The following CDH18 variants were observed in gnomAD, a reference collection of about 807,000 sequenced individuals.
CDH18 encodes the protein cadherin 18.
A neutral mutation model predicts 67.9 loss-of-function variants in CDH18; 31 were observed. That is an observed-to-expected ratio of 0.46 (90% CI 0.34 to 0.62). The LOEUF is 0.62. CDH18 is among the 20% of genes least tolerant of loss of function. CDH18 has a pLI of 0.01. For missense variants in CDH18, 890 were observed against 975.5 expected (o/e 0.91, Z 1.17); for synonymous variants, 362 against 347.2 (o/e 1.04, Z -0.48).
intron 2 of CDH18, among the ~76,000 whole-genome samples, chr5:19,884,220 A>G (rs956280435): frequency 3.9e-5 from 6 of 152,122 alleles, no homozygotes; most frequent in African/African-American, 1.2e-4. Context: ...AAGGTCGCCT[A>G]CTTCAGCTCA....
At chr5:20,406,326 C>T (rs1042894457) in intron 1 of CDH18, among the ~76,000 whole-genome samples, 52 of 151,936 alleles carry the variant, frequency 3.4e-4, no homozygotes, top group African/African-American at 1.1e-3. Context: ...AGCAAACTAT[C>T]GCAAAGACAA....
At chr5:20,131,279 G>A (rs1446080517) in intron 2 of CDH18, among the ~76,000 whole-genome samples, 1 of 152,022 alleles carries the variant, frequency 6.6e-6, no homozygotes, top group East Asian at 1.9e-4. Context: ...TATACTCAAT[G>A]TAAAAATATT....
upstream of CDH18, among the ~76,000 whole-genome samples, chr5:19,992,238 G>T (rs546019293): frequency 5.9e-4 from 89 of 151,930 alleles, no homozygotes; most frequent in African/African-American, 2.0e-3. Flanking sequence ...AGCTTTTCTG[G>T]CTCTCATGTG....
At chr5:20,371,242 A>C (rs998845586) in intron 1 of CDH18, among the ~76,000 whole-genome samples, 1 of 152,150 alleles carries the variant, frequency 6.6e-6, no homozygotes, top group African/African-American at 2.4e-5. Context: ...TTCCTTGAGC[A>C]ACTGTTCAGT....
intron 1 of CDH18, among the ~76,000 whole-genome samples, chr5:20,540,016 T>G (rs1756965643): frequency 6.6e-6 from 1 of 152,170 alleles, no homozygotes; most frequent in Admixed American, 6.6e-5. Flanking sequence ...GCCTAAAAGT[T>G]TTATGTCTAA....
At chr5:20,262,997 G>A (rs1744768648) in intron 1 of CDH18, among the ~76,000 whole-genome samples, 1 of 141,202 alleles carries the variant, frequency 7.1e-6, no homozygotes, top group African/African-American at 2.6e-5. Flanking sequence ...AGGGAGGGAA[G>A]GGGAGGGGAG....
rs114730678 is a variant in CDH18, at chr5:20,457,133, T to C, written c.-580+118329A>G. ...GAAACAATGACATTTGCCTATAAAG[T>C]TGGATCTCAGAGCAAAATAGATCAA... On this transcript the variant is annotated intron_variant, in intron 1 of 14. Coordinates refer to the CDH18 transcript ENST00000507958. Among the ~76,000 whole-genome samples, 490 of 152,282 alleles carry C rather than the reference T, an allele frequency of 3.2e-3. 2 individuals are homozygous for C. Among genetic ancestry groups the C allele is most frequent in the African/African-American group, 0.011 (471 of 41,568 alleles).
chr5:20,009,813 G>A (rs1191151830), intron 2 of CDH18, among the ~76,000 whole-genome samples: 2 of 152,052 alleles, frequency 1.3e-5, no homozygotes, highest in Non-Finnish European at 2.9e-5. Flanking sequence ...AATAATGCCA[G>A]TATTTGCTTC....
At chr5:19,785,160 T>C (rs1320979330) in intron 3 of CDH18, among the ~76,000 whole-genome samples, 1 of 152,150 alleles carries the variant, frequency 6.6e-6, no homozygotes. Flanking sequence ...TAAACCTCTT[T>C]AAATATTTTA....
chr5:20,286,435 A>G (rs915354104), intron 1 of CDH18, among the ~76,000 whole-genome samples: 1 of 151,710 alleles, frequency 6.6e-6, no homozygotes, highest in Non-Finnish European at 1.5e-5. Context: ...CAATGATAGT[A>G]GTAATTTAAA....
At chr5:19,860,340 C>A (rs1242960683) in intron 2 of CDH18, among the ~76,000 whole-genome samples, 2 of 151,378 alleles carry the variant, frequency 1.3e-5, no homozygotes, top group African/African-American at 4.8e-5. Flanking sequence ...TATTTTCATT[C>A]TACATCTCCA....
intron 2 of CDH18, among the ~76,000 whole-genome samples, chr5:19,899,644 C>T (rs1159827527): frequency 6.6e-6 from 1 of 152,122 alleles, no homozygotes; most frequent in Non-Finnish European, 1.5e-5. Context: ...AGTAATAGCA[C>T]TCCTATGCTC....
At chr5:20,356,237 G>A (rs948613389) in intron 1 of CDH18, among the ~76,000 whole-genome samples, 3 of 152,104 alleles carry the variant, frequency 2.0e-5, no homozygotes, top group African/African-American at 7.2e-5. Flanking sequence ...GCAAAAATTA[G>A]CTGGGCATGG....
chr5:19,517,788 T>C (rs899200853), intron 10 of CDH18, among the ~76,000 whole-genome samples: 1 of 152,036 alleles, frequency 6.6e-6, no homozygotes, highest in African/African-American at 2.4e-5. Context: ...ATTGAAAAAC[T>C]TTTATATTAC....
chr5:20,256,673 G>T (rs1744255985), intron 1 of CDH18, among the ~76,000 whole-genome samples: 1 of 151,992 alleles, frequency 6.6e-6, no homozygotes, highest in Non-Finnish European at 1.5e-5. Context: ...ATGCTATAAA[G>T]ACAGAAGAAG....
intron 2 of CDH18, among the ~76,000 whole-genome samples, chr5:19,961,902 T>C (rs1796940889): frequency 6.6e-6 from 1 of 152,092 alleles, no homozygotes; most frequent in Admixed American, 6.6e-5. Flanking sequence ...TTATTTTTTT[T>C]ACTTCTAAGT....
rs1477437853 is a variant in CDH18 at position 20,558,016 on chromosome 5, CATTAAATGTTATAGTTATATAACATTA to C, written c.-580+17419_-580+17445del. Among the ~76,000 whole-genome samples, 506 of 141,380 alleles carry C rather than the reference CATTAAATGTTATAGTTATATAACATTA, an allele frequency of 3.6e-3. 4 individuals carry two copies. Among genetic ancestry groups the C allele is most frequent in the African/African-American group, 0.013 (483 of 36,736 alleles). 92.8% of individuals were successfully genotyped at this position (141,380 alleles called of 152,430 possible). A position where few individuals can be genotyped will look rare whatever the true frequency, so the allele number is the denominator to read the frequency against. ...AACATTAAATGTTATAGTTATATAA[CATTAAATGTTATAGTTATATAACATTA>C]ATTGTTATATAACAATCTGATTGTT... On this transcript the variant is annotated intron_variant, in intron 1 of 14. Transcript: ENST00000507958.
chr5:20,126,905 A>G (rs1377959374), intron 2 of CDH18, among the ~76,000 whole-genome samples: 1 of 152,202 alleles, frequency 6.6e-6, no homozygotes, highest in Non-Finnish European at 1.5e-5. Flanking sequence ...AATTTTCTCT[A>G]AAAATTGAAA....
At chr5:19,877,104 T>G (rs1258185257) in intron 2 of CDH18, among the ~76,000 whole-genome samples, 1 of 152,126 alleles carries the variant, frequency 6.6e-6, no homozygotes. Flanking sequence ...TCAAATCACC[T>G]GTGTTAAGCC....
Sources: gnomAD v4.1 joint callset for allele counts (sites outside exome capture counted in the v4.1 genomes callset) on GRCh38, gnomAD v4.1.1 for gene constraint, MANE v1.5 for transcripts, NCBI Gene and HGNC (gene_info 2026-07-23, HGNC 2026-07-21) for gene names.